The following RIMS2 variants were observed in gnomAD, a reference collection of about 807,000 sequenced individuals.
The protein encoded by RIMS2 is regulating synaptic membrane exocytosis 2.
A neutral mutation model predicts 174.4 loss-of-function variants in RIMS2; 59 were observed. The ratio of observed to expected loss-of-function variants is 0.34; its 90% CI spans 0.27 to 0.42. The LOEUF is 0.42. Ranked by LOEUF, RIMS2 falls within the 10% of genes least tolerant of loss-of-function variation. RIMS2 has a pLI of 1.00. For missense variants in RIMS2, 1,620 were observed against 1,666.3 expected, an observed-to-expected ratio of 0.97 and a Z score of 0.48; for synonymous variants, 606 against 572.5, an observed-to-expected ratio of 1.06 and a Z score of -0.84.
intron 3 of RIMS2, among the ~76,000 whole-genome samples, chr8:103,880,937 G>T (rs1443514536): frequency 1.3e-5 from 2 of 151,266 alleles, no homozygotes; most frequent in Non-Finnish European, 3.0e-5. Flanking sequence ...TTAGCATTGT[G>T]TAATTGTATT....
chr8:104,020,917 A>G (rs1203471811), intron 19 of RIMS2, among the ~76,000 whole-genome samples: 2 of 152,048 alleles, frequency 1.3e-5, no homozygotes, highest in Admixed American at 6.5e-5. Context: ...TCTGTAATCT[A>G]CCACAACCAA....
intron 19 of RIMS2, among the ~76,000 whole-genome samples, chr8:104,091,829 A>G (rs1455257145): frequency 6.6e-6 from 1 of 151,676 alleles, no homozygotes; most frequent in African/African-American, 2.4e-5. Context: ...TCCACTGTAC[A>G]TTAATAATGT....
chr8:104,250,904 C>T, intron 22 of RIMS2, 120 bp from the exon 29 acceptor site: 1 of 804,712 alleles, frequency 1.2e-6, no homozygotes, highest in Non-Finnish European at 2.1e-6. Flanking sequence ...GCAGCTAGGC[C>T]AGTGGCATGA....
At chr8:103,635,814 T>C (rs1054054876) in intron 1 of RIMS2, among the ~76,000 whole-genome samples, 1 of 151,976 alleles carries the variant, frequency 6.6e-6, no homozygotes, top group Non-Finnish European at 1.5e-5. Flanking sequence ...AAGGCTGGAA[T>C]GGCTAAGTTG....
At chr8:103,730,651 T>A (rs922930445) in intron 2 of RIMS2, among the ~76,000 whole-genome samples, 4 of 152,218 alleles carry the variant, frequency 2.6e-5, no homozygotes, top group Non-Finnish European at 5.9e-5. Flanking sequence ...TCTTTTGTGT[T>A]TTTCTATGTA....
chr8:103,787,995 TC>T (rs1180270007), intron 3 of RIMS2, among the ~76,000 whole-genome samples: 2 of 151,806 alleles, frequency 1.3e-5, no homozygotes, highest in Non-Finnish European at 2.9e-5. Context: ...TCTCTAAACT[TC>T]CCTTCTCACT....
chr8:103,917,837 C>G (rs1293442143), intron 8 of RIMS2, among the ~76,000 whole-genome samples: 2 of 152,024 alleles, frequency 1.3e-5, no homozygotes, highest in Non-Finnish European at 2.9e-5. Flanking sequence ...CATGGTGAAA[C>G]CTCGTCTCTG....
intron 2 of RIMS2, among the ~76,000 whole-genome samples, chr8:103,702,310 G>GT (rs1217745536): frequency 6.6e-6 from 1 of 151,940 alleles, no homozygotes; most frequent in Non-Finnish European, 1.5e-5. Flanking sequence ...AGTTGTTTGA[G>GT]TTTTTTGTAT....
chr8:104,144,713 C>T (rs2098616500), intron 19 of RIMS2, among the ~76,000 whole-genome samples: 1 of 152,060 alleles, frequency 6.6e-6, no homozygotes, highest in African/African-American at 2.4e-5. Context: ...TTTTTCTGAA[C>T]ACATAATTTT....
intron 3 of RIMS2, among the ~76,000 whole-genome samples, chr8:103,844,670 TA>T (rs2098958675): frequency 6.6e-6 from 1 of 152,204 alleles, no homozygotes; most frequent in Admixed American, 6.5e-5. Flanking sequence ...TATTTTTTCC[TA>T]AAAACGGTAA....
intron 16 of RIMS2, among the ~76,000 whole-genome samples, chr8:103,985,473 CAAAAAAAAAAAAAAAAAAAA>C (rs58750334): frequency 2.8e-5 from 1 of 36,152 alleles, no homozygotes; most frequent in African/African-American, 1.5e-4. Context: ...GACTCTGTCT[CAAAAAAAAAAAAAAAAAAAA>C]AAAAAAAAAA....
chr8:104,244,943 C>T (rs747060471), exon 20 of RIMS2: 3 of 1,613,766 alleles, frequency 1.9e-6, no homozygotes, highest in Non-Finnish European at 2.5e-6. Flanking sequence ...CTAAGGAGCA[C>T]TGTCCAAAGA....
intron 1 of RIMS2, among the ~76,000 whole-genome samples, chr8:103,671,286 G>A (rs543523531): frequency 2.0e-5 from 3 of 152,212 alleles, no homozygotes; most frequent in Non-Finnish European, 2.9e-5. Context: ...TTTGGGTGTG[G>A]ACACAGCCAA....
intron 14 of RIMS2, among the ~76,000 whole-genome samples, chr8:103,950,683 G>A (rs1002796411): frequency 6.6e-6 from 1 of 152,152 alleles, no homozygotes; most frequent in East Asian, 1.9e-4. Flanking sequence ...AATCATATTG[G>A]TAAAAGACTG....
At chr8:103,809,006 A>C (rs1484378934) in intron 3 of RIMS2, among the ~76,000 whole-genome samples, 2 of 152,186 alleles carry the variant, frequency 1.3e-5, no homozygotes, top group Admixed American at 6.5e-5. Flanking sequence ...AGCAAAACAC[A>C]TAATTATTCA....
rs181218457 is a variant in RIMS2, at chr8:103,516,848, A to T, written c.176+15786A>T. On this transcript the variant is annotated intron_variant, in intron 1 of 23. Transcript: ENST00000504942. ...AGAGGTACTACATGGCGCTGCTTCT[A>T]CAAAGCCATATACACTCTACTCTCT... 3.3e-5 allele frequency among the ~76,000 whole-genome samples: 5 copies of T among 152,328 alleles called. No individual in the cohort carries two copies. The South Asian group carries it at 6.2e-4, about 19-fold the overall frequency.
intron 3 of RIMS2, among the ~76,000 whole-genome samples, chr8:103,770,638 C>T (rs2098241648): frequency 6.6e-6 from 1 of 152,082 alleles, no homozygotes; most frequent in Non-Finnish European, 1.5e-5. Context: ...CCAATCCCTG[C>T]CCTAGAGAGC....
intron 14 of RIMS2, among the ~76,000 whole-genome samples, chr8:103,956,594 A>C (rs954525987): frequency 6.6e-6 from 1 of 152,234 alleles, no homozygotes; most frequent in South Asian, 2.1e-4. Context: ...TTATACAAAA[A>C]TTAACTCAAG....
chr8:103,915,691 G>T (rs1595076520), intron 7 of RIMS2, 97 bp downstream of exon 10: 1 of 531,008 alleles, frequency 1.9e-6, no homozygotes, highest in Non-Finnish European at 3.2e-6. Context: ...CAATAACAAA[G>T]AGCTCATTTA....
Sources: allele counts gnomAD v4.1 joint callset (sites outside exome capture counted in the v4.1 genomes callset), GRCh38; gene constraint gnomAD v4.1.1; transcripts MANE v1.5; gene names NCBI Gene and HGNC (gene_info 2026-07-23, HGNC 2026-07-21).